KIAA0232: variants seen among roughly 807,000 people sequenced by gnomAD.
KIAA0232 encodes KIAA0232.
Under a neutral mutation model 122.0 loss-of-function variants are expected in KIAA0232, and 27 were observed. That is an observed-to-expected ratio of 0.22 (90% CI 0.16 to 0.31). KIAA0232 has a LOEUF of 0.31. KIAA0232 is among the 10% of genes least tolerant of loss of function. The pLI, the probability that KIAA0232 is intolerant of heterozygous loss-of-function variation, is 1.00. For missense variants in KIAA0232, 1,551 were observed against 1,634.2 expected, an observed-to-expected ratio of 0.95 and a Z score of 0.88; for synonymous variants, 613 against 587.6, an observed-to-expected ratio of 1.04 and a Z score of -0.63.
intron 9 of KIAA0232, among the ~76,000 whole-genome samples, chr4:6,879,813 C>A (rs1181052009): frequency 1.2e-4 from 13 of 105,678 alleles, no homozygotes; most frequent in South Asian, 6.0e-4. Flanking sequence ...CCCAACACAC[C>A]CATCTGCAGT....
At chr4:6,809,756 C>CA (rs1179702789) in intron 2 of KIAA0232, among the ~76,000 whole-genome samples, 1 of 151,782 alleles carries the variant, frequency 6.6e-6, no homozygotes, top group Non-Finnish European at 1.5e-5. Flanking sequence ...AATCGGCATA[C>CA]AAAAATCAGT....
Position 6,864,023 on chromosome 4 carries a change from G to A in KIAA0232, c.3641G>A (p.Ser1214Asn). The part of the protein sequence containing the change: ...VGKQNQCLEC[S>N]MNESLEIDLE... ...AAGCAAAATCAGTGTTTGGAATGTA[G>A]CATGAATGAATCCCTGGAAATAGAT... The change falls in exon 7 of 10, where the codon AGC becomes AAC. Residue 1214 changes from serine to asparagine, a missense_variant. Around this residue, in one of 5 missense-constraint regions of KIAA0232, gnomAD observed 1,108 missense variants for 1,154.8 expected, o/e 0.96. Transcript: ENST00000307659. 1 of 1,614,192 alleles carries A rather than the reference G, an allele frequency of 6.2e-7. No homozygotes were observed. The highest frequency in any genetic ancestry group is 8.5e-7 in the Non-Finnish European group (1 of 1,180,024).
chr4:6,843,748 C>T lies in KIAA0232; in HGVS notation c.369+1544C>T, dbSNP rs181050591. ...TCATGCCGCCGCACTCCAACCTGGG[C>T]GACAGAGGGAGACTCCATCTCAAGA... On this transcript the variant is annotated intron_variant, in intron 4 of 9. Transcript: ENST00000307659. Among the ~76,000 whole-genome samples the T allele has an allele frequency of 3.9e-3, 587 of 151,870 alleles. 1 individual carries two copies. Among genetic ancestry groups the T allele is most frequent in the African/African-American group, 0.013 (545 of 41,374 alleles).
At chr4:6,845,664 AT>A (rs1719916297) in intron 4 of KIAA0232, among the ~76,000 whole-genome samples, 1 of 152,066 alleles carries the variant, frequency 6.6e-6, no homozygotes, top group Non-Finnish European at 1.5e-5. Flanking sequence ...CTGCTGAGTT[AT>A]AGTCGGAAAG....
chr4:6,810,403 T>A (rs1365053871), intron 2 of KIAA0232, among the ~76,000 whole-genome samples: 1 of 152,164 alleles, frequency 6.6e-6, no homozygotes, highest in East Asian at 1.9e-4. Flanking sequence ...GACCCCAGTC[T>A]CTCACCATAT....
intron 2 of KIAA0232, among the ~76,000 whole-genome samples, chr4:6,820,765 A>T (rs1718386465): frequency 6.6e-6 from 1 of 152,256 alleles, no homozygotes; most frequent in African/African-American, 2.4e-5. Flanking sequence ...GAATGGATCC[A>T]CATTTTGTTC....
At chr4:6,795,896 A>C (rs1717114015) in intron 1 of KIAA0232, among the ~76,000 whole-genome samples, 1 of 152,086 alleles carries the variant, frequency 6.6e-6, no homozygotes, top group Admixed American at 6.5e-5. Flanking sequence ...TGGCCTAGAA[A>C]ATTTTAATTA....
chr4:6,823,834 G>GT (rs1003023921), intron 2 of KIAA0232, among the ~76,000 whole-genome samples: 4 of 151,852 alleles, frequency 2.6e-5, no homozygotes, highest in African/African-American at 9.7e-5. Flanking sequence ...GTTGTTTTAA[G>GT]TTTTTTTAAA....
chr4:6,835,281 T>C (rs1030292348), intron 3 of KIAA0232, among the ~76,000 whole-genome samples: 1 of 152,076 alleles, frequency 6.6e-6, no homozygotes. Flanking sequence ...GAAAGTCACA[T>C]AGAATCACTT....
In KIAA0232 at chr4:6,862,916, G is replaced by A; in HGVS notation, c.2534G>A (p.Arg845Lys). The A allele has an allele frequency of 1.2e-6, 2 of 1,614,214 alleles. No individual in the cohort carries two copies. Among genetic ancestry groups the A allele is most frequent in the South Asian group, 2.2e-5 (2 of 91,090 alleles). The change falls in exon 7 of 10, where the codon AGA becomes AAA. Residue 845 changes from arginine to lysine, a missense_variant. By Grantham distance (26) the Arg-to-Lys change is conservative (BLOSUM62 2). Transcript: ENST00000307659. ...TNSVATVEIE[R>K]TDAELFSADV... Reference sequence around the variant, plus strand: ...TCTGTGGCTACAGTAGAAATAGAAAGAACTGATGCTGAGTTGTTTTCGGCA... The same window carrying A: ...TCTGTGGCTACAGTAGAAATAGAAAAAACTGATGCTGAGTTGTTTTCGGCA...
intron 3 of KIAA0232, among the ~76,000 whole-genome samples, chr4:6,833,184 T>TGA (rs1719085470): frequency 6.6e-6 from 1 of 152,224 alleles, no homozygotes; most frequent in Non-Finnish European, 1.5e-5. Flanking sequence ...CATAAAGCGC[T>TGA]CCTCGTGTGT....
intron 4 of KIAA0232, among the ~76,000 whole-genome samples, chr4:6,848,068 G>A (rs1720064663): frequency 6.6e-6 from 1 of 152,170 alleles, no homozygotes; most frequent in Non-Finnish European, 1.5e-5. Context: ...TAACAGCACT[G>A]CAGCTTACCC....
intron 2 of KIAA0232, among the ~76,000 whole-genome samples, chr4:6,816,648 G>A (rs1718143142): frequency 6.6e-6 from 1 of 152,146 alleles, no homozygotes; most frequent in African/African-American, 2.4e-5. Context: ...CATGATTTGA[G>A]AAGTATTGGG....
rs575904099 is a variant in KIAA0232 at position 6,853,575 on chromosome 4, A to G, written c.370-3589A>G. On this transcript the variant is annotated intron_variant, in intron 4 of 9. Coordinates refer to ENST00000307659, the MANE Select transcript of KIAA0232 (RefSeq NM_014743.3). ...GAACAGGCAGTTAACACTGAGTATC[A>G]TGTAGGTTAGTGATCACACTATGGC... Among the ~76,000 whole-genome samples, 62 of 152,324 alleles carry G rather than the reference A, an allele frequency of 4.1e-4. 1 individual carries two copies. The South Asian group carries it at 0.011, about 27-fold the overall frequency.
intron 6 of KIAA0232, among the ~76,000 whole-genome samples, chr4:6,858,931 G>A (rs1720701986): frequency 6.6e-6 from 1 of 151,886 alleles, no homozygotes; most frequent in Non-Finnish European, 1.5e-5. Context: ...TCAACATGGT[G>A]AAACCCAGTC....
chr4:6,787,938 T>G lies in KIAA0232; in HGVS notation c.-354+5097T>G, dbSNP rs561689552. On this transcript the variant is annotated intron_variant, in intron 1 of 9. Coordinates refer to ENST00000307659, the MANE Select transcript of KIAA0232 (RefSeq NM_014743.3). ...TGGAAGTGCTACCACACTCCTCCCC[T>G]GGTTGAGAATTAATGTTAAAGAGTT... 1.3e-4 allele frequency among the ~76,000 whole-genome samples: 20 copies of G among 152,342 alleles called. 1 individual carries two copies. The South Asian group carries it at 4.1e-3, about 32-fold the overall frequency.
chr4:6,846,109 A>AAC (rs1377563912), intron 4 of KIAA0232, among the ~76,000 whole-genome samples: 6 of 151,650 alleles, frequency 4.0e-5, no homozygotes, highest in Non-Finnish European at 7.4e-5. Flanking sequence ...TTAAAAAAAA[A>AAC]AAGATTGTTG....
rs868575498 is a variant in KIAA0232, at chr4:6,789,010, G to A, written c.-354+6169G>A. Among the ~76,000 whole-genome samples, 53 of 151,012 alleles carry A rather than the reference G, an allele frequency of 3.5e-4. 1 individual carries two copies. The Middle Eastern group carries it at 0.01, about 29-fold the overall frequency. ...TTTTGAGACAGAATCTCGCTCTGTC[G>A]CCCAGGCTCGAGTGCAGTGGCGCGA... On this transcript the variant is annotated intron_variant, in intron 1 of 9. Transcript: ENST00000307659.
intron 1 of KIAA0232, among the ~76,000 whole-genome samples, chr4:6,785,825 C>T (rs1043844255): frequency 6.6e-6 from 1 of 152,174 alleles, no homozygotes; most frequent in Non-Finnish European, 1.5e-5. Flanking sequence ...TCCTCTTTGT[C>T]CCCTTTCCAC....
Sources: gnomAD v4.1 joint callset for allele counts (sites outside exome capture counted in the v4.1 genomes callset) on GRCh38, gnomAD v4.1.1 for gene constraint, gnomAD v4.1.1 regional missense constraint, MANE v1.5 for transcripts, NCBI Gene and HGNC (gene_info 2026-07-23, HGNC 2026-07-21) for gene names.